The following RASGRF2 variants were observed in gnomAD, a reference collection of about 807,000 sequenced individuals.
RASGRF2 encodes Ras protein specific guanine nucleotide releasing factor 2.
In RASGRF2, 76 loss-of-function variants were observed where a neutral mutation model predicts 151.0. The ratio of observed to expected loss-of-function variants is 0.50; its 90% CI spans 0.42 to 0.61. The LOEUF is 0.61. Among genes scored for constraint, RASGRF2 ranks in the 20% least tolerant of loss-of-function variants. The probability of loss-of-function intolerance (pLI) is 0.00; values close to 1 mark genes in which losing one functional copy is unlikely to be tolerated. For missense variants in RASGRF2, 1,148 were observed against 1,564.6 expected (o/e 0.73, Z 4.49); for synonymous variants, 504 against 566.5 (o/e 0.89, Z 1.57).
chr5:81,086,173 G>C lies in RASGRF2; in HGVS notation c.1271+262G>C, dbSNP rs7732295. Among the ~76,000 whole-genome samples, 365 of 152,162 alleles carry C rather than the reference G, an allele frequency of 2.4e-3. 2 individuals carry two copies. The highest frequency in any genetic ancestry group is 8.5e-3 in the African/African-American group (354 of 41,516). ...TCAGATTAGGTGTATTTTGGTTTAA[G>C]TTTGGAAATGTTCATGTTTCTTTCA... On this transcript the variant is annotated intron_variant, in intron 8 of 26. Coordinates refer to ENST00000265080, the MANE Select transcript of RASGRF2 (RefSeq NM_006909.3).
At chr5:81,187,815 T>C (rs1222430812) in intron 18 of RASGRF2, among the ~76,000 whole-genome samples, 1 of 152,190 alleles carries the variant, frequency 6.6e-6, no homozygotes, top group Admixed American at 6.5e-5. Context: ...ATCTCTTCCG[T>C]TTCTTATTTT....
chr5:81,125,305 A>G (rs553880138), intron 16 of RASGRF2, among the ~76,000 whole-genome samples: 2 of 152,326 alleles, frequency 1.3e-5, no homozygotes, highest in South Asian at 4.1e-4. Context: ...AGCTGTTGTC[A>G]TTGCCATGAG....
Position 81,012,292 on chromosome 5 carries a change from T to C in RASGRF2, c.289-30585T>C, listed in dbSNP as rs535715617. On this transcript the variant is annotated intron_variant, in intron 1 of 26. Transcript: ENST00000265080. The stretch of plus-strand genomic sequence containing the variant: ...TCTCCATGATAAAGTGATTTTTTTT[T>C]CTGTGGAATTAATAGTAATTTATGG... Among the ~76,000 whole-genome samples, 59 of 152,350 alleles carry C rather than the reference T, an allele frequency of 3.9e-4. 1 individual carries two copies. Among genetic ancestry groups the C allele is most frequent in the South Asian group, 1.2e-3 (6 of 4,830 alleles).
intron 17 of RASGRF2, among the ~76,000 whole-genome samples, chr5:81,146,617 A>G (rs1353136349): frequency 6.6e-6 from 1 of 152,206 alleles, no homozygotes; most frequent in Non-Finnish European, 1.5e-5. Context: ...ACCGGGGCCA[A>G]TGATTTTAGA....
intron 18 of RASGRF2, among the ~76,000 whole-genome samples, chr5:81,196,622 T>TC (rs1245979010): frequency 7.9e-5 from 5 of 63,232 alleles, no homozygotes; most frequent in African/African-American, 1.2e-4. Context: ...CCCACCCCAC[T>TC]CCCCCCTCCC....
chr5:81,009,096 C>T lies in RASGRF2; in HGVS notation c.289-33781C>T, dbSNP rs554586945. On this transcript the variant is annotated intron_variant, in intron 1 of 26. Coordinates refer to ENST00000265080, the MANE Select transcript of RASGRF2 (RefSeq NM_006909.3). ...TGGGCCTGCAGCTGAGAGCACATGC[C>T]CTGATGGGTTGTGGGTGATTGTCCT... Among the ~76,000 whole-genome samples the T allele has an allele frequency of 3.0e-4, 46 of 152,270 alleles. 1 individual carries two copies. The highest frequency in any genetic ancestry group is 1.1e-3 in the African/African-American group (45 of 41,540).
intron 17 of RASGRF2, among the ~76,000 whole-genome samples, chr5:81,154,723 A>C (rs939061014): frequency 5.3e-5 from 8 of 152,238 alleles, no homozygotes; most frequent in Admixed American, 4.6e-4. Flanking sequence ...CAAATTGTTA[A>C]ATAACTCATG....
intron 1 of RASGRF2, among the ~76,000 whole-genome samples, chr5:80,977,449 T>TTTTATTTATTTATTTATTTA (rs56140758): frequency 1.5e-3 from 225 of 150,300 alleles, no homozygotes; most frequent in African/African-American, 5.0e-3. Flanking sequence ...GCTACCAAAA[T>TTTTATTTATTTATTTATTTA]TTTATTTATT....
intron 26 of RASGRF2, chr5:81,223,395 A>G (rs1755897249): frequency 1.3e-5 from 2 of 152,024 alleles, no homozygotes. Context: ...TAATCCCAGC[A>G]CTTTGGGAGG....
chr5:81,062,659 A>C (rs777856036), intron 2 of RASGRF2, among the ~76,000 whole-genome samples: 3 of 152,232 alleles, frequency 2.0e-5, no homozygotes, highest in Non-Finnish European at 4.4e-5. Context: ...CCAAAGTATC[A>C]AGGTTGGTGT....
intron 15 of RASGRF2, among the ~76,000 whole-genome samples, chr5:81,116,331 C>T (rs948954962): frequency 6.6e-6 from 1 of 152,060 alleles, no homozygotes; most frequent in African/African-American, 2.4e-5. Context: ...GTTCCACCCG[C>T]CTCAGCCTCC....
intron 22 of RASGRF2, among the ~76,000 whole-genome samples, chr5:81,210,335 C>T (rs1427397240): frequency 6.6e-6 from 1 of 152,256 alleles, no homozygotes; most frequent in Non-Finnish European, 1.5e-5. Flanking sequence ...CTCCCGCGCA[C>T]AGCTGTGTGG....
intron 9 of RASGRF2, chr5:81,088,303 G>A (rs1378940105): frequency 1.3e-5 from 2 of 152,180 alleles, no homozygotes; most frequent in African/African-American, 4.8e-5. Flanking sequence ...CAGATACCTC[G>A]AAGGAGCCTT....
At chr5:81,034,401 G>A (rs1471290763) in intron 1 of RASGRF2, among the ~76,000 whole-genome samples, 1 of 152,024 alleles carries the variant, frequency 6.6e-6, no homozygotes, top group African/African-American at 2.4e-5. Context: ...CGATTCCTCA[G>A]GGATCTAGAA....
At chr5:81,195,610 T>C (rs1755247653) in intron 18 of RASGRF2, among the ~76,000 whole-genome samples, 1 of 151,052 alleles carries the variant, frequency 6.6e-6, no homozygotes, top group African/African-American at 2.4e-5. Context: ...AAAGGTAATG[T>C]AAGGTCTTGC....
chr5:81,077,521 T>A (rs1751973405), intron 5 of RASGRF2, among the ~76,000 whole-genome samples: 1 of 152,192 alleles, frequency 6.6e-6, no homozygotes, highest in South Asian at 2.1e-4. Context: ...GGTAGTCTGA[T>A]AATACGAGAT....
chr5:81,138,424 T>C (rs1234401525), intron 17 of RASGRF2, among the ~76,000 whole-genome samples: 2 of 152,182 alleles, frequency 1.3e-5, no homozygotes, highest in African/African-American at 4.8e-5. Context: ...CCAAGTGGGA[T>C]AAGGCTTAGG....
At chr5:81,150,349 G>A (rs248990) in intron 17 of RASGRF2, among the ~76,000 whole-genome samples, 70,830 of 152,012 alleles carry the variant, frequency 0.47, 17,347 homozygotes, top group East Asian at 0.86. Flanking sequence ...CAACTCACAG[G>A]GCTCTCCTGA....
At chr5:81,089,556 G>A (rs1043035973) in intron 9 of RASGRF2, among the ~76,000 whole-genome samples, 1 of 152,170 alleles carries the variant, frequency 6.6e-6, no homozygotes, top group African/African-American at 2.4e-5. Flanking sequence ...CTGTTGGATA[G>A]GATACAGAAG....
Sources: allele counts gnomAD v4.1 joint callset (sites outside exome capture counted in the v4.1 genomes callset), GRCh38; gene constraint gnomAD v4.1.1; transcripts MANE v1.5; gene names NCBI Gene and HGNC (gene_info 2026-07-23, HGNC 2026-07-21).